Variants in DST observed in about 807,000 individuals in gnomAD.
The protein encoded by DST is dystonin.
Under a neutral mutation model 875.2 loss-of-function variants are expected in DST, and 253 were observed. That is an observed-to-expected ratio of 0.29 (90% CI 0.26 to 0.32). The LOEUF (loss-of-function observed/expected upper bound fraction) is 0.32, where lower values mean the gene tolerates loss of function less well. Ranked by LOEUF, DST falls within the 10% of genes least tolerant of loss-of-function variation. The pLI is 1.00. For synonymous variants in DST, 3,124 were observed against 3,197.1 expected, an observed-to-expected ratio of 0.98 and a Z score of 0.77; for missense variants, 8,287 against 9,111.6, an observed-to-expected ratio of 0.91 and a Z score of 3.68.
At chr6:56,511,113 A>G in intron 73 of DST, 84 bp downstream of exon 73, 2 of 1,225,610 alleles carry the variant, frequency 1.6e-6, no homozygotes, top group Non-Finnish European at 2.3e-6. Flanking sequence ...TTTAGTTAAA[A>G]TTTAATCAGG....
chr6:56,605,637 G>A lies in DST; in HGVS notation c.8991C>T (p.Ile2997=). ...CTATTAAATCAGGCTCAGTACAAAT[G>A]ATGTGATCAAGAGATGAGTCAACTT... The part of the protein sequence containing the change: ...TPKVDSSLDH[I]ICTEPDLIGK... The change falls in exon 40 of 104, where the codon ATC becomes ATT. Residue 2997 remains isoleucine, a synonymous_variant. Transcript: ENST00000680361. 1 of 1,612,874 alleles carries A rather than the reference G, an allele frequency of 6.2e-7. No individual in the cohort carries two copies. Among genetic ancestry groups the A allele is most frequent in the East Asian group, 2.2e-5 (1 of 44,830 alleles).
Position 56,506,548 on chromosome 6 carries a change from C to G in DST, c.19363-4G>C. ...GAGAATCCCATGCTGAATTTAACTA[C>G]AAGATGTATGTTAGAATTCTTTTAG... On this transcript the variant is annotated splice_polypyrimidine_tract_variant and splice_region_variant and intron_variant, in intron 76 of 103. Coordinates refer to ENST00000680361, the MANE Select transcript of DST (RefSeq NM_001374736.1). 2 of 1,611,516 alleles carry G rather than the reference C, an allele frequency of 1.2e-6. No individual in the cohort carries two copies. Among genetic ancestry groups the G allele is most frequent in the Non-Finnish European group, 1.7e-6 (2 of 1,178,396 alleles).
chr6:56,506,710 C>T lies in DST; in HGVS notation c.19319G>A (p.Cys6440Tyr). Residue 6440 changes from cysteine to tyrosine, a missense_variant, in exon 76 of 104, where the codon TGT becomes TAT. By Grantham distance (194) the Cys-to-Tyr change is radical. Around this residue, in one of 10 missense-constraint regions of DST, gnomAD observed 1,292 missense variants for 1,552.7 expected, o/e 0.83. Coordinates refer to ENST00000680361, the MANE Select transcript of DST (RefSeq NM_001374736.1). Reference protein sequence around the residue: ...INLGSELIAACGEPDKPIVKK... With the variant: ...INLGSELIAAYGEPDKPIVKK... ...GACAATGGGTTTATCAGGCTCCCCA[C>T]ATGCCGCAATGAGTTCAGAACCTAG... 1 of 1,613,702 alleles carries T rather than the reference C, an allele frequency of 6.2e-7. No individual in the cohort carries two copies. Among genetic ancestry groups the T allele is most frequent in the Non-Finnish European group, 8.5e-7 (1 of 1,179,700 alleles).
At chr6:56,775,212 A>T (rs754389397) in intron 4 of DST, among the ~76,000 whole-genome samples, 11 of 152,090 alleles carry the variant, frequency 7.2e-5, no homozygotes, top group Non-Finnish European at 1.3e-4. Flanking sequence ...TTACTAAAAT[A>T]AGCCTCTCCT....
At chr6:56,468,028 AT>A (rs1400452134) in intron 98 of DST, among the ~76,000 whole-genome samples, 1 of 152,180 alleles carries the variant, frequency 6.6e-6, no homozygotes, top group African/African-American at 2.4e-5. Context: ...TAAATAAATT[AT>A]TTGCTTGCAA....
intron 69 of DST, among the ~76,000 whole-genome samples, chr6:56,522,260 G>T (rs2096721353): frequency 6.6e-6 from 1 of 152,084 alleles, no homozygotes; most frequent in African/African-American, 2.4e-5. Flanking sequence ...TTAGAAAAAT[G>T]AGGTAAAGGG....
In DST at chr6:56,466,030, T is replaced by C. The variant is rs2094563729; in HGVS notation, c.22687+48A>G. ...GTATGTTTTGGTGCTGGATATAATA[T>C]AAAATTGAAATACTTTCATGATGTT... On this transcript the variant is annotated intron_variant, in intron 99 of 103. Transcript: ENST00000680361. 8 of 1,445,370 alleles carry C rather than the reference T, an allele frequency of 5.5e-6. No individual in the cohort carries two copies. The African/African-American group carries it at 8.4e-5, about 15-fold the overall frequency. 89.5% of individuals were successfully genotyped at this position (1,445,370 alleles called of 1,614,324 possible). A position where few individuals can be genotyped will look rare whatever the true frequency, so the allele number is the denominator to read the frequency against.
rs190540256 is a variant in DST, at chr6:56,862,200, A to G, written c.418-10596T>C. Among the ~76,000 whole-genome samples the G allele has an allele frequency of 7.5e-3, 1,135 of 152,202 alleles. 7 individuals carry two copies. Among genetic ancestry groups the G allele is most frequent in the Non-Finnish European group, 0.012 (824 of 68,006 alleles). ...GTCTGTCTCTCTCTCGCACACACAC[A>G]TACACAGAGCCCACCAACGGGATCA... On this transcript the variant is annotated intron_variant, in intron 3 of 103. Coordinates refer to ENST00000680361, the MANE Select transcript of DST (RefSeq NM_001374736.1).
chr6:56,817,988 A>T (rs1398313012), intron 4 of DST, among the ~76,000 whole-genome samples: 2 of 152,170 alleles, frequency 1.3e-5, no homozygotes, highest in Non-Finnish European at 2.9e-5. Flanking sequence ...GTGACAGAAG[A>T]TGGGAAGATG....
chr6:56,824,199 C>T (rs1192155322), intron 4 of DST, among the ~76,000 whole-genome samples: 1 of 152,202 alleles, frequency 6.6e-6, no homozygotes, highest in East Asian at 1.9e-4. Context: ...TTGGTGGAGA[C>T]AGGGTTTCGC....
chr6:56,631,835 G>T lies in DST; in HGVS notation c.3963+48C>A. 2.6e-6 allele frequency: 4 copies of T among 1,561,202 alleles called. No homozygotes were observed. The South Asian group carries it at 3.3e-5, about 13-fold the overall frequency. ...AGAAGTCACAAGAGTTGATACATAA[G>T]GTCATTAAGAGAGTTAGTTTTTTTC... On this transcript the variant is annotated intron_variant, in intron 29 of 103. Transcript: ENST00000680361.
intron 23 of DST, 113 bp downstream of exon 23, chr6:56,636,444 A>G (rs562555622): frequency 9.8e-5 from 74 of 757,040 alleles, no homozygotes; most frequent in Non-Finnish European, 1.4e-4. Flanking sequence ...ATATGTGTGT[A>G]TATATATACA....
At chr6:56,585,276 G>C (rs1461824982) in intron 49 of DST, among the ~76,000 whole-genome samples, 6 of 145,748 alleles carry the variant, frequency 4.1e-5, no homozygotes, top group East Asian at 2.1e-4. Context: ...TTCAGAGCCT[G>C]TTATTGGTCT....
At chr6:56,848,808 G>T (rs1242281692) in intron 4 of DST, among the ~76,000 whole-genome samples, 2 of 152,110 alleles carry the variant, frequency 1.3e-5, no homozygotes, top group Non-Finnish European at 2.9e-5. Flanking sequence ...GCTGAGGTGG[G>T]TGGATCACTT....
intron 5 of DST, among the ~76,000 whole-genome samples, chr6:56,733,584 C>G (rs2099510818): frequency 6.6e-6 from 1 of 152,180 alleles, no homozygotes; most frequent in African/African-American, 2.4e-5. Context: ...TAAGTTCACA[C>G]AAATAATGAA....
Position 56,506,755 on chromosome 6 carries a change from T to C in DST, c.19274A>G (p.Glu6425Gly), listed in dbSNP as rs752022739. The change falls in exon 76 of 104, where the codon GAG becomes GGG. Residue 6425 changes from glutamate to glycine, a missense_variant. Glu to Gly is a moderately conservative substitution (Grantham distance 98, BLOSUM62 -2). Coordinates refer to ENST00000680361, the MANE Select transcript of DST (RefSeq NM_001374736.1). The stretch of plus-strand genomic sequence containing the variant: ...ACCTAGGTTAATAACTATATCCAGC[T>C]CCTCCTGTAGTCCATCTATTTCTTC... Reference protein sequence around the residue: ...IREEIDGLQEELDIVINLGSE... With the variant: ...IREEIDGLQEGLDIVINLGSE... 1 of 1,613,454 alleles carries C rather than the reference T, an allele frequency of 6.2e-7. No individual in the cohort carries two copies. Among genetic ancestry groups the C allele is most frequent in the Non-Finnish European group, 8.5e-7 (1 of 1,179,606 alleles).
rs1312899783 is a variant in DST at position 56,517,565 on chromosome 6, A to G, written c.18185T>C (p.Leu6062Ser). The G allele has an allele frequency of 1.9e-6, 3 of 1,613,276 alleles. No individual in the cohort carries two copies. In the African/African-American group the frequency reaches 4.0e-5, roughly 22 times the overall value. Residue 6062 changes from leucine (L) to serine (S), a missense_variant, in exon 70 of 104, where the codon TTG becomes TCG. Around this residue, in one of 10 missense-constraint regions of DST, gnomAD observed 777 missense variants for 764.8 expected, o/e 1.02. Coordinates refer to ENST00000680361, the MANE Select transcript of DST (RefSeq NM_001374736.1). ...LSWITETEKK[L>S]MSLGDIRLEQ... ...AAGCCTGATGTCACCCAGAGACATCAATTTTTTTTCTGTTTCAGTAATCCA... is the reference window on the plus strand; with the variant it reads ...AAGCCTGATGTCACCCAGAGACATCGATTTTTTTTCTGTTTCAGTAATCCA...
chr6:56,696,643 G>A (rs2099265741), intron 9 of DST, among the ~76,000 whole-genome samples: 1 of 152,082 alleles, frequency 6.6e-6, no homozygotes, highest in Admixed American at 6.5e-5. Flanking sequence ...TTATTTTCTA[G>A]TCTCTGCTCC....
intron 61 of DST, among the ~76,000 whole-genome samples, chr6:56,549,603 C>T (rs186642697): frequency 1.3e-5 from 2 of 152,270 alleles, no homozygotes; most frequent in Admixed American, 6.5e-5. Flanking sequence ...CTGGAATCTC[C>T]ACCATCAACA....
Sources: allele counts gnomAD v4.1 joint callset (sites outside exome capture counted in the v4.1 genomes callset), GRCh38; gene constraint gnomAD v4.1.1; regional missense constraint gnomAD v4.1.1; transcripts MANE v1.5; gene names NCBI Gene and HGNC (gene_info 2026-07-23, HGNC 2026-07-21).